Variants in KIRREL3 observed in about 807,000 individuals in gnomAD.
KIRREL3 encodes kirre like nephrin family adhesion molecule 3.
A neutral mutation model predicts 89.7 loss-of-function variants in KIRREL3; 36 were observed. The observed-to-expected ratio is 0.40, with a 90% confidence interval of 0.31 to 0.53. The LOEUF (loss-of-function observed/expected upper bound fraction) is 0.53. KIRREL3 is among the 20% of genes least tolerant of loss of function. The probability of loss-of-function intolerance (pLI) is 0.49; values close to 1 mark genes in which losing one functional copy is unlikely to be tolerated. For synonymous variants in KIRREL3, 445 were observed against 441.4 expected (o/e 1.01, Z -0.10); for missense variants, 864 against 1,056.6 (o/e 0.82, Z 2.53).
intron 1 of KIRREL3, among the ~76,000 whole-genome samples, chr11:126,613,892 T>TC (rs1943236246): frequency 8.9e-6 from 1 of 112,892 alleles, no homozygotes; most frequent in East Asian, 3.2e-4. Flanking sequence ...TTTTTTTTTT[T>TC]TATTTTTTTC....
chr11:126,726,996 C>T (rs374550998), intron 1 of KIRREL3, among the ~76,000 whole-genome samples: 8 of 152,324 alleles, frequency 5.3e-5, no homozygotes, highest in African/African-American at 1.4e-4. Context: ...CTCTGGGACA[C>T]GCCTCCAGCA....
intron 1 of KIRREL3, among the ~76,000 whole-genome samples, chr11:126,572,054 G>A (rs1431684325): frequency 1.3e-5 from 2 of 152,230 alleles, no homozygotes; most frequent in Non-Finnish European, 2.9e-5. Flanking sequence ...GGGGCCAGAT[G>A]CTCGACAGCT....
rs534266966 is a variant in KIRREL3 at position 126,594,963 on chromosome 11, C to G, written c.56-32051G>C. Among the ~76,000 whole-genome samples the G allele has an allele frequency of 6.6e-6, 1 of 152,236 alleles. No individual in the cohort carries two copies. The highest frequency in any genetic ancestry group is 2.4e-5 in the African/African-American group (1 of 41,472). On this transcript the variant is annotated intron_variant, in intron 1 of 16. Coordinates refer to ENST00000525144, the MANE Select transcript of KIRREL3 (RefSeq NM_032531.4). The surrounding 1 kb of genome is among the most constrained non-coding windows in gnomAD (Gnocchi z 5.0). ...TCACTTTGCAGCTGCCCTGGGCCCT[C>G]GGACCCTCAGGGGCCTTCTGGGTTG...
In KIRREL3 at chr11:126,739,085, A is replaced by G. The variant is rs758128780; in HGVS notation, c.56-176173T>C. Among the ~76,000 whole-genome samples the G allele has an allele frequency of 4.6e-5, 7 of 152,234 alleles. No homozygotes were observed. The highest frequency in any genetic ancestry group is 7.3e-5 in the Non-Finnish European group (5 of 68,028). Reference sequence around the variant, plus strand: ...AAGAAACTGGCTTTCAGAGAGACCAAGTAACTTGCTCAAGGCCACACAGCT... The same window carrying G: ...AAGAAACTGGCTTTCAGAGAGACCAGGTAACTTGCTCAAGGCCACACAGCT... On this transcript the variant is annotated intron_variant, in intron 1 of 16. Transcript: ENST00000525144. The surrounding 1 kb of genome is among the most constrained non-coding windows in gnomAD (Gnocchi z 5.5).
Position 126,431,205 on chromosome 11 carries a change from C to G in KIRREL3, c.1696+214G>C. The G allele has an allele frequency of 6.7e-7, 1 of 1,490,896 alleles. No homozygotes were observed. Among genetic ancestry groups the G allele is most frequent in the Non-Finnish European group, 9.0e-7 (1 of 1,116,164 alleles). The allele number at this position is 1,490,896 out of a possible 1,614,324, so 92.4% of individuals were successfully genotyped here. ...CCCTGCAGATGAAGTTCAGTCTAGT[C>G]CAGGTCAACCTCAGCCTAGCGCCCA... On this transcript the variant is annotated intron_variant, in intron 14 of 16. Coordinates refer to ENST00000525144, the MANE Select transcript of KIRREL3 (RefSeq NM_032531.4). This position sits in a 1 kb window ranked among gnomAD's most constrained non-coding sequence, Gnocchi z 7.1.
chr11:126,479,453 G>A (rs530190500), intron 4 of KIRREL3, among the ~76,000 whole-genome samples: 7 of 152,348 alleles, frequency 4.6e-5, no homozygotes, highest in East Asian at 1.9e-4. Flanking sequence ...TGCCCAAGAC[G>A]GACATGTGTG....
In KIRREL3 at chr11:126,778,310, G is replaced by C. The variant is rs1950228703; in HGVS notation, c.56-215398C>G. On this transcript the variant is annotated intron_variant, in intron 1 of 16. Transcript: ENST00000525144. This position sits in a 1 kb window ranked among gnomAD's most constrained non-coding sequence, Gnocchi z 4.5. ...AAACTAGTGCAAGAGGAGGCCAGGG[G>C]ATTTGTCTTGAAGTTGTGTTTGCGT... 6.6e-6 allele frequency among the ~76,000 whole-genome samples: 1 copy of C among 152,226 alleles called. No homozygotes were observed. Among genetic ancestry groups the C allele is most frequent in the South Asian group, 2.1e-4 (1 of 4,818 alleles).
rs564706393 is a variant in KIRREL3 at position 126,640,689 on chromosome 11, T to A, written c.56-77777A>T. On this transcript the variant is annotated intron_variant, in intron 1 of 16. Coordinates refer to ENST00000525144, the MANE Select transcript of KIRREL3 (RefSeq NM_032531.4). This position sits in a 1 kb window ranked among gnomAD's most constrained non-coding sequence, Gnocchi z 4.9. Reference sequence around the variant, plus strand: ...CTGTTTCACATGGGTTCTTTCTGAATCTGGAATGAACCATGGGACCCTTGG... The same window carrying A: ...CTGTTTCACATGGGTTCTTTCTGAAACTGGAATGAACCATGGGACCCTTGG... 5.3e-5 allele frequency among the ~76,000 whole-genome samples: 8 copies of A among 152,184 alleles called. No homozygotes were observed. The highest frequency in any genetic ancestry group is 1.9e-4 in the African/African-American group (8 of 41,442).
chr11:126,651,993 T>C lies in KIRREL3; in HGVS notation c.56-89081A>G, dbSNP rs548449307. Among the ~76,000 whole-genome samples, 11 of 152,346 alleles carry C rather than the reference T, an allele frequency of 7.2e-5. No individual in the cohort carries two copies. In the South Asian group the frequency reaches 2.3e-3, roughly 32 times the overall value. On this transcript the variant is annotated intron_variant, in intron 1 of 16. Transcript: ENST00000525144. The surrounding 1 kb of genome is among the most constrained non-coding windows in gnomAD (Gnocchi z 4.6). ...TAAATGATGGTAGGGTAAGTCATTA[T>C]GCCAATGGGAGAATGAGGCAAAAAG...
In KIRREL3 at chr11:126,999,467, T is replaced by G. The variant is rs1024863439; in HGVS notation, c.55+988A>C. 6.6e-6 allele frequency among the ~76,000 whole-genome samples: 1 copy of G among 152,246 alleles called. No homozygotes were observed. Among genetic ancestry groups the G allele is most frequent in the Admixed American group, 6.5e-5 (1 of 15,292 alleles). ...TTTTACCCTTCATTTAATCAACAGA[T>G]GGACGTGCTCTGTTGTGGATTTTTT... On this transcript the variant is annotated intron_variant, in intron 1 of 16. Transcript: ENST00000525144. The surrounding 1 kb of genome is among the most constrained non-coding windows in gnomAD (Gnocchi z 5.7).
chr11:126,756,272 G>C (rs1326926295), intron 1 of KIRREL3, among the ~76,000 whole-genome samples: 1 of 152,252 alleles, frequency 6.6e-6, no homozygotes, highest in Non-Finnish European at 1.5e-5. Flanking sequence ...CGTGAGAATT[G>C]TATGTGCTGA....
intron 1 of KIRREL3, among the ~76,000 whole-genome samples, chr11:126,732,582 G>T (rs1018148448): frequency 1.3e-5 from 2 of 152,234 alleles, no homozygotes; most frequent in Admixed American, 6.5e-5. Flanking sequence ...GTAGTCAGCT[G>T]CAGAGAGACA....
rs1328619413 is a variant in KIRREL3 at position 126,635,507 on chromosome 11, C to A, written c.56-72595G>T. Reference sequence around the variant, plus strand: ...TGGGAGAGTTGGACAGAAGGCTGAACAGTGGCTGATGGCCTGGAGGAGGAG... The same window carrying A: ...TGGGAGAGTTGGACAGAAGGCTGAAAAGTGGCTGATGGCCTGGAGGAGGAG... On this transcript the variant is annotated intron_variant, in intron 1 of 16. Coordinates refer to ENST00000525144, the MANE Select transcript of KIRREL3 (RefSeq NM_032531.4). The surrounding 1 kb of genome is among the most constrained non-coding windows in gnomAD (Gnocchi z 4.0). Among the ~76,000 whole-genome samples the A allele has an allele frequency of 6.6e-6, 1 of 152,172 alleles. No individual in the cohort carries two copies.
chr11:126,852,049 CTTTTTTTTTTTT>C (rs10579989), intron 1 of KIRREL3, among the ~76,000 whole-genome samples: 20 of 103,602 alleles, frequency 1.9e-4, no homozygotes, highest in Admixed American at 2.1e-4. Context: ...GGGCTATAAC[CTTTTTTTTTTTT>C]TTTTTTTTTT....
At chr11:126,449,288 C>T in intron 7 of KIRREL3, 131 bp from the exon 8 acceptor site, 1 of 956,676 alleles carries the variant, frequency 1.0e-6, no homozygotes, top group Non-Finnish European at 1.5e-6. Context: ...TGGGGTCCGT[C>T]AAGGGGAATC....
chr11:126,923,130 T>TCCTTCTCCTC (rs373421868), intron 1 of KIRREL3, among the ~76,000 whole-genome samples: 1 of 16,304 alleles, frequency 6.1e-5, no homozygotes, highest in Admixed American at 6.2e-4. Context: ...CTCCTTCTTC[T>TCCTTCTCCTC]CTTCTTCTTC....
chr11:126,662,028 G>C (rs1412543647), intron 1 of KIRREL3, among the ~76,000 whole-genome samples: 1 of 152,176 alleles, frequency 6.6e-6, no homozygotes, highest in African/African-American at 2.4e-5. Flanking sequence ...GAGAAAAAAG[G>C]AGAGAGCCAA....
Position 126,860,458 on chromosome 11 carries a change from A to G in KIRREL3, c.55+139997T>C, listed in dbSNP as rs1186208070. On this transcript the variant is annotated intron_variant, in intron 1 of 16. Coordinates refer to ENST00000525144, the MANE Select transcript of KIRREL3 (RefSeq NM_032531.4). The surrounding 1 kb of genome is among the most constrained non-coding windows in gnomAD (Gnocchi z 4.6). ...GAATTTGCTGAATGAAGAAGGGAGGAAGAGCATTCCAGGCAGAAGGAAGAG... is the reference window on the plus strand; with the variant it reads ...GAATTTGCTGAATGAAGAAGGGAGGGAGAGCATTCCAGGCAGAAGGAAGAG... Among the ~76,000 whole-genome samples the G allele has an allele frequency of 6.6e-6, 1 of 152,140 alleles. No individual in the cohort carries two copies. Among genetic ancestry groups the G allele is most frequent in the Non-Finnish European group, 1.5e-5 (1 of 68,038 alleles).
rs113453738 is a variant in KIRREL3, at chr11:126,729,691, GC to G, written c.56-166780del. On this transcript the variant is annotated intron_variant, in intron 1 of 16. Transcript: ENST00000525144. The surrounding 1 kb of genome is among the most constrained non-coding windows in gnomAD (Gnocchi z 4.5). ...GGGACCCTCCGTAGATACTCATGGG[GC>G]CCCGGGCACTCCACTGGACAGGTGA... 0.16 allele frequency among the ~76,000 whole-genome samples: 24,105 copies of G among 152,138 alleles called. 2,022 individuals carry two copies. Among genetic ancestry groups the G allele is most frequent in the African/African-American group, 0.18 (7,310 of 41,468 alleles).
Sources: allele counts gnomAD v4.1 joint callset (sites outside exome capture counted in the v4.1 genomes callset), GRCh38; gene constraint gnomAD v4.1.1; non-coding constraint Gnocchi (gnomAD v3.1); transcripts MANE v1.5; gene names NCBI Gene and HGNC (gene_info 2026-07-23, HGNC 2026-07-21).